Variants in UTRN observed in about 807,000 individuals in gnomAD.
UTRN encodes the protein utrophin, also known as dystrophin-related protein 1.
UTRN carries 283 observed loss-of-function variants against 463.9 expected under a neutral mutation model. The ratio of observed to expected loss-of-function variants is 0.61; its 90% CI spans 0.55 to 0.67. The LOEUF (loss-of-function observed/expected upper bound fraction) is 0.67, where lower values mean the gene tolerates loss of function less well. UTRN is among the 30% of genes least tolerant of loss of function. UTRN has a pLI of 0.00. For synonymous variants in UTRN, 1,442 were observed against 1,431.5 expected, an observed-to-expected ratio of 1.01 and a Z score of -0.17; for missense variants, 3,922 against 4,084.3, an observed-to-expected ratio of 0.96 and a Z score of 1.08.
intron 51 of UTRN, among the ~76,000 whole-genome samples, chr6:144,603,402 G>T (rs1472322864): frequency 1.3e-5 from 2 of 152,064 alleles, no homozygotes; most frequent in Non-Finnish European, 2.9e-5. Flanking sequence ...CACTCATCTC[G>T]CCATACTCTG....
At chr6:144,798,096 T>G in intron 64 of UTRN, 106 bp downstream of exon 64, 1 of 1,489,948 alleles carries the variant, frequency 6.7e-7, no homozygotes, top group Non-Finnish European at 9.1e-7. Flanking sequence ...AGGTTTGCTT[T>G]CTAAATAAAT....
intron 51 of UTRN, among the ~76,000 whole-genome samples, chr6:144,609,128 A>C (rs75348515): frequency 1.3e-5 from 2 of 152,192 alleles, no homozygotes; most frequent in Non-Finnish European, 2.9e-5. Context: ...TAAACTCTCT[A>C]TTATAAAAAG....
intron 53 of UTRN, among the ~76,000 whole-genome samples, chr6:144,728,531 C>T (rs1012251089): frequency 1.3e-5 from 2 of 150,576 alleles, no homozygotes; most frequent in African/African-American, 4.9e-5. Context: ...TCACAAGCTG[C>T]GTTTGTTAAA....
intron 51 of UTRN, among the ~76,000 whole-genome samples, chr6:144,624,541 A>G (rs1410538845): frequency 6.6e-6 from 1 of 152,202 alleles, no homozygotes; most frequent in South Asian, 2.1e-4. Context: ...AGGGGAGGGA[A>G]CATTTGGAGA....
chr6:144,821,376 G>A (rs990644687), intron 66 of UTRN, among the ~76,000 whole-genome samples: 1 of 151,618 alleles, frequency 6.6e-6, no homozygotes, highest in South Asian at 2.1e-4. Flanking sequence ...CCCCTTATGG[G>A]GGGTGTTTTA....
chr6:144,813,439 G>A (rs6925320), intron 65 of UTRN, among the ~76,000 whole-genome samples: 3,861 of 151,984 alleles, frequency 0.025, 95 homozygotes, highest in African/African-American at 0.065. Flanking sequence ...CGCCCGCCTC[G>A]GCCTCCCCAA....
At chr6:144,522,370 A>T (rs1185298175) in intron 40 of UTRN, among the ~76,000 whole-genome samples, 199 bp downstream of exon 40, 1 of 152,194 alleles carries the variant, frequency 6.6e-6, no homozygotes, top group Admixed American at 6.5e-5. Flanking sequence ...GTGGGTATGG[A>T]TTGTTAAATG....
At chr6:144,580,369 T>C (rs1299496563) in intron 51 of UTRN, among the ~76,000 whole-genome samples, 3 of 152,208 alleles carry the variant, frequency 2.0e-5, no homozygotes, top group Non-Finnish European at 2.9e-5. Context: ...CTTCATGTCT[T>C]ATGACAACCA....
chr6:144,321,451 T>G (rs1297523981), intron 2 of UTRN, among the ~76,000 whole-genome samples: 1 of 148,290 alleles, frequency 6.7e-6, no homozygotes, highest in Non-Finnish European at 1.5e-5. Context: ...CCCAAGTAGC[T>G]GTGCCATATC....
At chr6:144,434,308 G>C (rs762467756) in intron 9 of UTRN, among the ~76,000 whole-genome samples, 12 of 151,028 alleles carry the variant, frequency 7.9e-5, no homozygotes, top group Admixed American at 2.6e-4. Flanking sequence ...GTCCAGCTTC[G>C]GCTCGGCATC....
intron 2 of UTRN, among the ~76,000 whole-genome samples, chr6:144,360,588 C>T (rs1036419863): frequency 1.3e-5 from 2 of 152,182 alleles, no homozygotes; most frequent in Non-Finnish European, 2.9e-5. Flanking sequence ...CTGCCCACAC[C>T]GGCATGCCTT....
intron 2 of UTRN, among the ~76,000 whole-genome samples, chr6:144,390,259 C>T (rs557758764): frequency 6.6e-6 from 1 of 152,296 alleles, no homozygotes; most frequent in African/African-American, 2.4e-5. Context: ...CTTCTCTCTT[C>T]AATTCAATAC....
Position 144,732,263 on chromosome 6 carries a change from CATAT to C in UTRN, c.7939+1789_7939+1792del, listed in dbSNP as rs1227075300. ...ACATATATATATATATATATACACA[CATAT>C]ATATATATATACACACATATATATA... is the stretch of plus-strand genomic sequence containing the variant. On this transcript the variant is annotated intron_variant, in intron 54 of 74. Transcript: ENST00000367545. 7.1e-5 allele frequency among the ~76,000 whole-genome samples: 7 copies of C among 98,042 alleles called. 1 individual carries two copies. Among genetic ancestry groups the C allele is most frequent in the South Asian group, 6.4e-4 (2 of 3,114 alleles). 64.3% of individuals were successfully genotyped at this position (98,042 alleles called of 152,430 possible). A position where few individuals can be genotyped will look rare whatever the true frequency, so the allele number is the denominator to read the frequency against.
chr6:144,775,643 A>G (rs1775259381), intron 60 of UTRN, among the ~76,000 whole-genome samples: 1 of 152,232 alleles, frequency 6.6e-6, no homozygotes, highest in Admixed American at 6.5e-5. Context: ...AAAGAGGCTC[A>G]GCTGCACATC....
At chr6:144,666,675 TG>T (rs1562732581) in intron 51 of UTRN, among the ~76,000 whole-genome samples, 1 of 152,250 alleles carries the variant, frequency 6.6e-6, no homozygotes, top group African/African-American at 2.4e-5. Context: ...TCCTTTTCTT[TG>T]ATCACTTGTG....
intron 65 of UTRN, among the ~76,000 whole-genome samples, chr6:144,805,944 G>A (rs1416728481): frequency 6.6e-6 from 1 of 152,102 alleles, no homozygotes; most frequent in African/African-American, 2.4e-5. Flanking sequence ...GAACCCTGGG[G>A]ATCATTGTAA....
intron 2 of UTRN, among the ~76,000 whole-genome samples, chr6:144,349,436 C>T (rs1044360283): frequency 6.6e-6 from 1 of 152,190 alleles, no homozygotes; most frequent in Non-Finnish European, 1.5e-5. Context: ...CAGGATCTCC[C>T]AACCAGGGAG....
chr6:144,321,451 T>C (rs1297523981), intron 2 of UTRN, among the ~76,000 whole-genome samples: 1 of 148,292 alleles, frequency 6.7e-6, no homozygotes, highest in African/African-American at 2.5e-5. Context: ...CCCAAGTAGC[T>C]GTGCCATATC....
chr6:144,593,939 T>G (rs931541999), intron 51 of UTRN, among the ~76,000 whole-genome samples: 2 of 152,174 alleles, frequency 1.3e-5, no homozygotes, highest in Non-Finnish European at 2.9e-5. Flanking sequence ...AATTGCATAA[T>G]ATTTGTATCT....
Sources: allele counts gnomAD v4.1 joint callset (sites outside exome capture counted in the v4.1 genomes callset), GRCh38; gene constraint gnomAD v4.1.1; transcripts MANE v1.5; gene names NCBI Gene and HGNC (gene_info 2026-07-23, HGNC 2026-07-21).